The following SHROOM3 variants were observed in gnomAD, a reference collection of about 807,000 sequenced individuals.
SHROOM3 encodes protein Shroom3.
In SHROOM3, 47 loss-of-function variants were observed where a neutral mutation model predicts 138.6. The observed-to-expected ratio is 0.34, with a 90% CI of 0.27 to 0.43. The LOEUF is 0.43. Ranked by LOEUF, SHROOM3 falls within the 20% of genes least tolerant of loss-of-function variation. The pLI is 1.00. For synonymous variants in SHROOM3, 1,062 were observed against 1,063.3 expected (o/e 1.00, Z 0.02); for missense variants, 2,491 against 2,596.5 (o/e 0.96, Z 0.88).
chr4:76,739,166 A>G lies in SHROOM3; in HGVS notation c.993A>G (p.Gln331=), dbSNP rs1197315824. 6.2e-7 allele frequency: 1 copy of G among 1,614,108 alleles called. No homozygotes were observed. The highest frequency in any genetic ancestry group is 2.2e-5 in the East Asian group (1 of 44,876). The change falls in exon 5 of 11, where the codon CAA becomes CAG. Residue 331 remains glutamine (Q), a synonymous_variant. Transcript: ENST00000296043. ...YEVNSSALLL[Q]GREARASANG... is the part of the protein sequence containing the mutation. ...TGAACTCTTCAGCCCTGCTGCTTCA[A>G]GGTAGGGAGGCCCGAGCCTCAGCAA... is the stretch of plus-strand genomic sequence containing the variant.
chr4:76,609,821 G>A (rs1205286769), intron 2 of SHROOM3, among the ~76,000 whole-genome samples: 1 of 152,174 alleles, frequency 6.6e-6, no homozygotes, highest in East Asian at 1.9e-4. Context: ...CTGTCTGGAA[G>A]TAACAATATA....
At chr4:76,712,998 T>C (rs1186822032) in intron 3 of SHROOM3, among the ~76,000 whole-genome samples, 1 of 152,108 alleles carries the variant, frequency 6.6e-6, no homozygotes, top group Non-Finnish European at 1.5e-5. Context: ...AAAAATACAA[T>C]GTAAAAGATA....
intron 2 of SHROOM3, among the ~76,000 whole-genome samples, chr4:76,677,673 G>C (rs1277805175): frequency 6.6e-6 from 1 of 152,204 alleles, no homozygotes; most frequent in Non-Finnish European, 1.5e-5. Flanking sequence ...TCAGGACTCT[G>C]TTATCTTCTT....
In SHROOM3 at chr4:76,779,835, T is replaced by C. The variant is rs1451941977; in HGVS notation, c.*658T>C. On this transcript the variant is annotated 3_prime_UTR_variant, in exon 11 of 11. Transcript: ENST00000296043. ...CTTTTTTTCTTACATTCCTGTCTTA[T>C]TTTTACCAACACGAGCAGGCATTCT... 6.5e-6 allele frequency: 1 copy of C among 152,832 alleles called. No homozygotes were observed. The highest frequency in any genetic ancestry group is 1.5e-5 in the Non-Finnish European group (1 of 68,202). 9.5% of individuals were successfully genotyped at this position (152,832 alleles called of 1,614,324 possible).
chr4:76,689,193 G>C (rs1719423552), intron 2 of SHROOM3, among the ~76,000 whole-genome samples: 1 of 151,970 alleles, frequency 6.6e-6, no homozygotes, highest in African/African-American at 2.4e-5. Context: ...CCTTAATACC[G>C]TAAGGACCCA....
At chr4:76,752,520 C>G (rs1230172260) in intron 6 of SHROOM3, among the ~76,000 whole-genome samples, 2 of 151,436 alleles carry the variant, frequency 1.3e-5, no homozygotes, top group African/African-American at 2.4e-5. Context: ...ACTAATTGCT[C>G]TCAAAATCCA....
At chr4:76,589,459 C>G in intron 2 of SHROOM3, among the ~76,000 whole-genome samples, 1 of 142,088 alleles carries the variant, frequency 7.0e-6, no homozygotes, top group Non-Finnish European at 1.5e-5. Context: ...AAGAGTGAAA[C>G]TCTGTCTCAT....
intron 10 of SHROOM3, among the ~76,000 whole-genome samples, chr4:76,777,843 A>G (rs1722618727): frequency 6.6e-6 from 1 of 152,234 alleles, no homozygotes; most frequent in Non-Finnish European, 1.5e-5. Flanking sequence ...ATATGCTACA[A>G]TATCATAGAA....
At chr4:76,672,865 C>G (rs779912794) in intron 2 of SHROOM3, among the ~76,000 whole-genome samples, 1 of 152,126 alleles carries the variant, frequency 6.6e-6, no homozygotes, top group African/African-American at 2.4e-5. Flanking sequence ...GTGGCTCATG[C>G]CCGGCCGGAT....
chr4:76,584,011 T>A (rs879278339), intron 2 of SHROOM3, among the ~76,000 whole-genome samples: 18 of 152,198 alleles, frequency 1.2e-4, no homozygotes, highest in Non-Finnish European at 2.1e-4. Context: ...CTTGTTTTAG[T>A]TTCCCTAAAG....
At chr4:76,615,193 T>A (rs574864322) in intron 2 of SHROOM3, among the ~76,000 whole-genome samples, 1 of 152,320 alleles carries the variant, frequency 6.6e-6, no homozygotes, top group Non-Finnish European at 1.5e-5. Flanking sequence ...TCAACATTTT[T>A]CCCCTTTTCC....
chr4:76,748,729 C>T (rs924476402), intron 5 of SHROOM3, among the ~76,000 whole-genome samples: 3 of 150,516 alleles, frequency 2.0e-5, no homozygotes, highest in Non-Finnish European at 4.4e-5. Flanking sequence ...CAGAGATAAT[C>T]GTTAGGAGAC....
At chr4:76,538,219 G>C (rs955828285) in intron 1 of SHROOM3, among the ~76,000 whole-genome samples, 1 of 152,154 alleles carries the variant, frequency 6.6e-6, no homozygotes, top group African/African-American at 2.4e-5. Context: ...ATTTTAAAAG[G>C]GGAAACTTTA....
chr4:76,646,431 T>A (rs1735824244), intron 2 of SHROOM3, among the ~76,000 whole-genome samples: 1 of 151,918 alleles, frequency 6.6e-6, no homozygotes, highest in South Asian at 2.1e-4. Context: ...CCAAATTGTT[T>A]CTTTTCCAGG....
intron 4 of SHROOM3, among the ~76,000 whole-genome samples, chr4:76,734,008 G>A (rs917699869): frequency 2.6e-5 from 4 of 152,096 alleles, no homozygotes; most frequent in African/African-American, 9.7e-5. Context: ...AAGTACTTTA[G>A]AAGAGACTGA....
At chr4:76,583,976 G>A (rs571609675) in intron 2 of SHROOM3, among the ~76,000 whole-genome samples, 6 of 152,272 alleles carry the variant, frequency 3.9e-5, no homozygotes, top group African/African-American at 1.2e-4. Context: ...GAAAGGACAG[G>A]TTATTTAATT....
At chr4:76,454,174 G>T (rs1730981513) in intron 1 of SHROOM3, among the ~76,000 whole-genome samples, 1 of 152,100 alleles carries the variant, frequency 6.6e-6, no homozygotes, top group Non-Finnish European at 1.5e-5. Flanking sequence ...CTCCTGAGTG[G>T]CTGGGATTAT....
Position 76,754,966 on chromosome 4 carries a change from C to T in SHROOM3, c.4483C>T (p.Arg1495Trp), listed in dbSNP as rs368105376. The T allele has an allele frequency of 1.1e-5, 18 of 1,613,996 alleles. No homozygotes were observed. Among genetic ancestry groups the T allele is most frequent in the African/African-American group, 4.0e-5 (3 of 74,922 alleles). Residue 1495 changes from arginine to tryptophan, a missense_variant, in exon 7 of 11, where the codon CGG (arginine) becomes TGG (tryptophan). By Grantham distance (101) the Arg-to-Trp change is moderately radical. This residue lies in a region of SHROOM3 where 1,733 missense variants were observed against 1,661.6 expected (regional missense o/e 1.04). Transcript: ENST00000296043. The part of the protein sequence containing the change: ...ISLRISESVL[R>W]DSPPPHEDYE... ...CCTCCGAATATCTGAGTCTGTCCTG[C>T]GGGACTCCCCGCCACCTCATGAGGA...
intron 1 of SHROOM3, among the ~76,000 whole-genome samples, chr4:76,457,802 T>TC (rs1294438052): frequency 6.6e-6 from 1 of 150,818 alleles, no homozygotes; most frequent in African/African-American, 2.4e-5. Context: ...TCTTTTCTTT[T>TC]TTTTTTTTTT....
Sources: gnomAD v4.1 joint callset for allele counts (sites outside exome capture counted in the v4.1 genomes callset) on GRCh38, gnomAD v4.1.1 for gene constraint, gnomAD v4.1.1 regional missense constraint, MANE v1.5 for transcripts, NCBI Gene and HGNC (gene_info 2026-07-23, HGNC 2026-07-21) for gene names.